Variants in CCDC191 observed in about 807,000 individuals in gnomAD.
The protein encoded by CCDC191 is coiled-coil domain-containing protein 191.
CCDC191 carries 99 observed loss-of-function variants against 114.0 expected under a neutral mutation model. The ratio of observed to expected loss-of-function variants is 0.87; its 90% CI spans 0.74 to 1.03. CCDC191 has a LOEUF of 1.03. Among genes scored for constraint, CCDC191 ranks in the 50% least tolerant of loss-of-function variants. The probability of loss-of-function intolerance (pLI) is 0.00; values close to 1 mark genes in which losing one functional copy is unlikely to be tolerated. For missense variants in CCDC191, 973 were observed against 1,087.0 expected (o/e 0.90, Z 1.47); for synonymous variants, 351 against 376.0 (o/e 0.93, Z 0.77).
chr3:113,988,511 A>C (rs142489640), intron 13 of CCDC191, among the ~76,000 whole-genome samples: 99 of 151,680 alleles, frequency 6.5e-4, no homozygotes, highest in African/African-American at 2.3e-3. Flanking sequence ...CTGTAATCCC[A>C]GCTACTCAGA....
At chr3:114,007,327 G>A (rs1331075833) in intron 9 of CCDC191, among the ~76,000 whole-genome samples, 1 of 152,096 alleles carries the variant, frequency 6.6e-6, no homozygotes, top group Non-Finnish European at 1.5e-5. Context: ...TGTTCTAACA[G>A]GACCCCATCC....
intron 4 of CCDC191, 135 bp downstream of exon 4, chr3:114,042,568 A>G (rs2076577583): frequency 1.6e-6 from 1 of 625,290 alleles, no homozygotes; most frequent in Admixed American, 4.2e-5. Context: ...ACCATGATAA[A>G]TTAAAACCAA....
chr3:113,976,376 C>A (rs1485504577), intron 16 of CCDC191, among the ~76,000 whole-genome samples: 4 of 151,834 alleles, frequency 2.6e-5, no homozygotes, highest in Non-Finnish European at 5.9e-5. Context: ...GGTCAAAAAA[C>A]CTAATCTGGA....
chr3:113,981,743 T>C (rs2075158653), intron 13 of CCDC191, among the ~76,000 whole-genome samples: 1 of 152,176 alleles, frequency 6.6e-6, no homozygotes, highest in Admixed American at 6.6e-5. Context: ...GAGAGAGCAA[T>C]GGAACATTTC....
chr3:114,003,961 A>T (rs534055807), intron 11 of CCDC191: 1 of 985,446 alleles, frequency 1.0e-6, no homozygotes, highest in Non-Finnish European at 1.2e-6. Context: ...TTCTATTCGT[A>T]TAGTTTAGTT....
At chr3:114,044,525 A>T (rs2076604375) in intron 3 of CCDC191, among the ~76,000 whole-genome samples, 1 of 152,238 alleles carries the variant, frequency 6.6e-6, no homozygotes, top group Non-Finnish European at 1.5e-5. Flanking sequence ...TGTTTACATT[A>T]AATGATGCCA....
intron 5 of CCDC191, among the ~76,000 whole-genome samples, chr3:114,036,246 C>A (rs2076481016): frequency 6.6e-6 from 1 of 152,086 alleles, no homozygotes; most frequent in Non-Finnish European, 1.5e-5. Context: ...CTGTAACATT[C>A]TCAAGAATAT....
chr3:113,968,653 T>C (rs1211216672), intron 16 of CCDC191, among the ~76,000 whole-genome samples: 2 of 148,258 alleles, frequency 1.3e-5, no homozygotes, highest in Non-Finnish European at 3.0e-5. Context: ...AGAGATGGGG[T>C]TTTGCCATGT....
At chr3:114,044,058 T>C (rs1182072799) in intron 3 of CCDC191, among the ~76,000 whole-genome samples, 3 of 152,068 alleles carry the variant, frequency 2.0e-5, no homozygotes, top group Non-Finnish European at 4.4e-5. Flanking sequence ...GGATGTCAAA[T>C]ATGGTATTGG....
intron 11 of CCDC191, 173 bp downstream of exon 11, chr3:114,004,464 T>C (rs2075910016): frequency 1.7e-6 from 2 of 1,208,750 alleles, no homozygotes; most frequent in Non-Finnish European, 2.1e-6. Flanking sequence ...AAAAAAGTAG[T>C]GGGGCTCTCT....
intron 7 of CCDC191, among the ~76,000 whole-genome samples, chr3:114,026,207 T>C (rs1167237601): frequency 1.3e-5 from 2 of 152,208 alleles, no homozygotes; most frequent in South Asian, 2.1e-4. Flanking sequence ...TTTAGGTAAA[T>C]TGGCCCTCAC....
At chr3:114,015,465 G>A (rs190720282) in intron 8 of CCDC191, among the ~76,000 whole-genome samples, 164 of 152,252 alleles carry the variant, frequency 1.1e-3, no homozygotes, top group African/African-American at 3.8e-3. Context: ...ACATGAGTAA[G>A]TTTTTAAGTA....
intron 12 of CCDC191, 133 bp downstream of exon 12, chr3:114,002,323 G>A: frequency 1.6e-6 from 1 of 607,010 alleles, no homozygotes; most frequent in Non-Finnish European, 2.8e-6. Context: ...CAGGCCACTA[G>A]GCCAAAAAAC....
chr3:114,052,883 C>T (rs2076714819), intron 2 of CCDC191, among the ~76,000 whole-genome samples: 1 of 152,186 alleles, frequency 6.6e-6, no homozygotes. Context: ...CGGGAAAATG[C>T]TGCATGATTT....
At position 113,978,947 on chromosome 3, in the gene CCDC191, TA is replaced by T; in HGVS notation, c.2370del (p.Ser791ValfsTer32). 6.2e-7 allele frequency: 1 copy of T among 1,614,080 alleles called. No homozygotes were observed. The highest frequency in any genetic ancestry group is 8.5e-7 in the Non-Finnish European group (1 of 1,179,964). On this transcript the variant is annotated frameshift_variant, in exon 15 of 17. Coordinates refer to ENST00000295878, the MANE Select transcript of CCDC191 (RefSeq NM_020817.2). LOFTEE classifies it high-confidence loss of function. ...QRKYMLTWFQ[R>X]SQESLARKMA... is the part of the protein sequence containing the mutation. Reference sequence around the variant, plus strand: ...ATCTTTCTAGCCAGACTTTCCTGACTACGCTGGAACCACGTCAGCATGTATT... The same window carrying T: ...ATCTTTCTAGCCAGACTTTCCTGACTCGCTGGAACCACGTCAGCATGTATT...
intron 7 of CCDC191, among the ~76,000 whole-genome samples, chr3:114,028,214 C>T (rs113560465): frequency 0.011 from 1,620 of 151,824 alleles, 35 homozygotes; most frequent in African/African-American, 0.033. Flanking sequence ...CAAAAATAAC[C>T]GTACAATATT....
intron 13 of CCDC191, among the ~76,000 whole-genome samples, chr3:113,999,999 AT>A (rs1326457836): frequency 6.6e-6 from 1 of 152,130 alleles, no homozygotes; most frequent in East Asian, 1.9e-4. Flanking sequence ...TGATCGTGCT[AT>A]TGTCTTTATT....
rs547605752 is a variant in CCDC191 at position 114,022,544 on chromosome 3, CTT to C, written c.973-3678_973-3677del. Among the ~76,000 whole-genome samples the C allele has an allele frequency of 1.1e-4, 16 of 152,264 alleles. No homozygotes were observed. In the South Asian group the frequency reaches 2.7e-3, roughly 26 times the overall value. ...ATTTATTTTTGCTGAATGGAACTAACTTTGGTGCAACTAATGGTCTAGGGAAG... is the reference window on the plus strand; with the variant it reads ...ATTTATTTTTGCTGAATGGAACTAACTGGTGCAACTAATGGTCTAGGGAAG... On this transcript the variant is annotated intron_variant, in intron 7 of 16. Transcript: ENST00000295878.
At chr3:114,010,517 G>A (rs530340548) in intron 9 of CCDC191, among the ~76,000 whole-genome samples, 7 of 150,716 alleles carry the variant, frequency 4.6e-5, no homozygotes, top group East Asian at 3.9e-4. Context: ...TTTCCTAAAC[G>A]AATATTTTAC....
Sources: gnomAD v4.1 joint callset for allele counts (sites outside exome capture counted in the v4.1 genomes callset) on GRCh38, gnomAD v4.1.1 for gene constraint, MANE v1.5 for transcripts, NCBI Gene and HGNC (gene_info 2026-07-23, HGNC 2026-07-21) for gene names.